Variants in TSPAN18 observed in about 807,000 individuals in gnomAD.
TSPAN18 encodes the protein tetraspanin 18, also known as tetraspanin-18.
In TSPAN18, 14 loss-of-function variants were observed where a neutral mutation model predicts 27.3. That is an observed-to-expected ratio of 0.51 (90% confidence interval 0.34 to 0.80). TSPAN18 has a LOEUF of 0.80. Among genes scored for constraint, TSPAN18 ranks in the 30% least tolerant of loss-of-function variants. TSPAN18 has a pLI of 0.01. For missense variants in TSPAN18, 268 were observed against 323.9 expected (o/e 0.83, Z 1.32); for synonymous variants, 143 against 136.5 (o/e 1.05, Z -0.33).
At chr11:44,764,349 G>C (rs1855518533) in intron 1 of TSPAN18, 77 bp from the exon 2 acceptor site, 1 of 152,220 alleles carries the variant, frequency 6.6e-6, no homozygotes, top group South Asian at 2.1e-4. Context: ...TTGGGGAGTG[G>C]GAGCCACATG....
chr11:44,763,962 G>A (rs1012512515), intron 1 of TSPAN18, among the ~76,000 whole-genome samples: 1 of 152,130 alleles, frequency 6.6e-6, no homozygotes, highest in East Asian at 1.9e-4. Context: ...AAGCATGACA[G>A]CATCTGCTTC....
intron 3 of TSPAN18, chr11:44,897,681 A>G: frequency 9.5e-7 from 1 of 1,055,732 alleles, no homozygotes; most frequent in Non-Finnish European, 1.3e-6. Flanking sequence ...GTTTTCATAA[A>G]CAGCTCCTTT....
chr11:44,818,531 C>T (rs1342971458), intron 2 of TSPAN18, among the ~76,000 whole-genome samples: 1 of 152,200 alleles, frequency 6.6e-6, no homozygotes, highest in African/African-American at 2.4e-5. Flanking sequence ...CTGCATTTGT[C>T]TGAGACCTGG....
intron 2 of TSPAN18, among the ~76,000 whole-genome samples, chr11:44,846,211 A>G (rs1381120061): frequency 6.6e-6 from 1 of 152,236 alleles, no homozygotes; most frequent in African/African-American, 2.4e-5. Flanking sequence ...CCAGCATTTC[A>G]CAGAGCCAGG....
At chr11:44,909,993 A>AC in intron 5 of TSPAN18, 94 bp downstream of exon 5, 4 of 1,435,458 alleles carry the variant, frequency 2.8e-6, no homozygotes, top group Non-Finnish European at 3.7e-6. Flanking sequence ...TTCCATTCAG[A>AC]CCAGTGCTTC....
intron 1 of TSPAN18, among the ~76,000 whole-genome samples, chr11:44,730,485 G>A (rs1223191577): frequency 3.3e-5 from 5 of 152,106 alleles, no homozygotes; most frequent in African/African-American, 4.8e-5. Context: ...CTGAGCAGAT[G>A]ACGCCCATTG....
intron 3 of TSPAN18, among the ~76,000 whole-genome samples, chr11:44,882,795 C>T (rs959392697): frequency 2.0e-5 from 3 of 152,124 alleles, no homozygotes; most frequent in Admixed American, 6.6e-5. Context: ...GCTGGCTGGC[C>T]GTGAAGCCTG....
chr11:44,734,756 G>T (rs1854746976), intron 1 of TSPAN18, among the ~76,000 whole-genome samples: 2 of 152,314 alleles, frequency 1.3e-5, no homozygotes, highest in South Asian at 2.1e-4. Context: ...GTTCAGGGCT[G>T]GGGGTGTTGC....
At chr11:44,785,588 G>A (rs1379162226) in intron 2 of TSPAN18, among the ~76,000 whole-genome samples, 1 of 145,674 alleles carries the variant, frequency 6.9e-6, no homozygotes, top group Non-Finnish European at 1.5e-5. Context: ...GGCCCAAACT[G>A]CAGCCCCCTG....
At chr11:44,831,273 C>G (rs835776) in intron 2 of TSPAN18, among the ~76,000 whole-genome samples, 100,127 of 152,004 alleles carry the variant, frequency 0.66, 33,386 homozygotes, top group East Asian at 0.83. Flanking sequence ...ATCTGTTCCA[C>G]CTTTTCAGAC....
chr11:44,803,339 T>TGG (rs61548947), intron 2 of TSPAN18, among the ~76,000 whole-genome samples: 4 of 151,778 alleles, frequency 2.6e-5, no homozygotes, highest in African/African-American at 9.7e-5. Context: ...AAGCATGGGT[T>TGG]GGGGGGGCAT....
intron 2 of TSPAN18, among the ~76,000 whole-genome samples, chr11:44,846,072 A>G (rs1033308383): frequency 6.6e-6 from 1 of 152,248 alleles, no homozygotes; most frequent in Non-Finnish European, 1.5e-5. Flanking sequence ...ACTGTGTGCC[A>G]GGCACTGTGC....
At chr11:44,760,785 A>C (rs1288172969) in intron 1 of TSPAN18, among the ~76,000 whole-genome samples, 1 of 152,258 alleles carries the variant, frequency 6.6e-6, no homozygotes, top group African/African-American at 2.4e-5. Flanking sequence ...GGTATTTTGC[A>C]GATTCTAAGG....
chr11:44,859,028 C>T (rs1016993336), intron 2 of TSPAN18, among the ~76,000 whole-genome samples: 7 of 152,152 alleles, frequency 4.6e-5, no homozygotes, highest in Non-Finnish European at 5.9e-5. Context: ...GCTTGCAGAG[C>T]GCTAATGACA....
intron 4 of TSPAN18, among the ~76,000 whole-genome samples, chr11:44,908,822 A>AGAAGGAAG: frequency 9.0e-6 from 1 of 111,466 alleles, no homozygotes; most frequent in Non-Finnish European, 1.8e-5. Context: ...AAAGAAAGAA[A>AGAAGGAAG]GAAAGAAAAA....
intron 2 of TSPAN18, among the ~76,000 whole-genome samples, chr11:44,811,125 A>AACACACACACACACACACAC (rs61153202): frequency 7.0e-6 from 1 of 142,486 alleles, no homozygotes. Context: ...CTGGAGTTTT[A>AACACACACACACACACACAC]ACACACACAC....
At chr11:44,760,465 G>C (rs1337249881) in intron 1 of TSPAN18, among the ~76,000 whole-genome samples, 3 of 152,198 alleles carry the variant, frequency 2.0e-5, no homozygotes, top group Non-Finnish European at 4.4e-5. Flanking sequence ...GGTTGCACAG[G>C]GATGCTCTGT....
chr11:44,856,575 G>A (rs576314845), intron 2 of TSPAN18, among the ~76,000 whole-genome samples: 23 of 152,210 alleles, frequency 1.5e-4, no homozygotes, highest in African/African-American at 4.3e-4. Context: ...AGAGCCATAG[G>A]CATCGTCTTC....
intron 2 of TSPAN18, among the ~76,000 whole-genome samples, chr11:44,829,987 G>A (rs1451931650): frequency 6.6e-6 from 1 of 152,192 alleles, no homozygotes; most frequent in Non-Finnish European, 1.5e-5. Flanking sequence ...CCACTGCACT[G>A]AGAATAAAAT....
Sources: allele counts gnomAD v4.1 joint callset (sites outside exome capture counted in the v4.1 genomes callset), GRCh38; gene constraint gnomAD v4.1.1; transcripts MANE v1.5; gene names NCBI Gene and HGNC (gene_info 2026-07-23, HGNC 2026-07-21).